Variants in BRIP1 observed in about 807,000 individuals in gnomAD.
The protein encoded by BRIP1 is Fanconi anemia group J protein.
A neutral mutation model predicts 119.7 loss-of-function variants in BRIP1; 88 were observed. That is an observed-to-expected ratio of 0.74 (90% confidence interval 0.62 to 0.88). The LOEUF is 0.88. Ranked by LOEUF, BRIP1 falls within the 40% of genes least tolerant of loss-of-function variation. BRIP1 has a pLI of 0.00. For synonymous variants in BRIP1, 443 were observed against 496.5 expected (o/e 0.89, Z 1.43); for missense variants, 1,259 against 1,455.4 (o/e 0.87, Z 2.20).
At position 61,729,671 on chromosome 17, in the gene BRIP1, T is replaced by C. The variant is rs1364381702; in HGVS notation, c.2379+13342A>G. ...TATTAGACTCTTGGTAAGTGCTTTA[T>C]TGGACGTTTTTCAACTTGATAAATC... is the stretch of plus-strand genomic sequence containing the variant. On this transcript the variant is annotated intron_variant, in intron 16 of 19. Transcript: ENST00000259008. The surrounding 1 kb of genome is among the most constrained non-coding windows in gnomAD (Gnocchi z 5.6). Among the ~76,000 whole-genome samples, 2 of 152,210 alleles carry C rather than the reference T, an allele frequency of 1.3e-5. No individual in the cohort carries two copies. Among genetic ancestry groups the C allele is most frequent in the Non-Finnish European group, 1.5e-5 (1 of 68,040 alleles).
At chr17:61,694,244 A>T (rs779146019) in intron 17 of BRIP1, among the ~76,000 whole-genome samples, 9 of 152,072 alleles carry the variant, frequency 5.9e-5, no homozygotes, top group Non-Finnish European at 1.3e-4. Flanking sequence ...GTTACTCCAA[A>T]TTATCCCAAT....
Position 61,857,355 on chromosome 17 carries a change from A to G in BRIP1, c.206-124T>C. 1.2e-6 allele frequency: 1 copy of G among 851,462 alleles called. No individual in the cohort carries two copies. Among genetic ancestry groups the G allele is most frequent in the Non-Finnish European group, 1.8e-6 (1 of 568,238 alleles). The allele number at this position is 851,462 out of a possible 1,614,324, so 52.7% of individuals were successfully genotyped here. A position where few individuals can be genotyped will look rare whatever the true frequency, so the allele number is the denominator to read the frequency against. On this transcript the variant is annotated intron_variant, in intron 3 of 19. Transcript: ENST00000259008. The surrounding 1 kb of genome is among the most constrained non-coding windows in gnomAD (Gnocchi z 5.1). ...ATAAAAGATTTTTAGGGCTAACACC[A>G]GGAAGGTACCTGGCAAACCTGGACA...
Position 61,828,415 on chromosome 17 carries a change from C to G in BRIP1, c.627+18686G>C, listed in dbSNP as rs1261167674. The stretch of plus-strand genomic sequence containing the variant: ...CCTGGGGCTGGACAATAGGGAAATA[C>G]AGAGATATTGTTTCATGGGTATGGT... On this transcript the variant is annotated intron_variant, in intron 6 of 19. Transcript: ENST00000259008. This position sits in a 1 kb window ranked among gnomAD's most constrained non-coding sequence, Gnocchi z 4.1. Among the ~76,000 whole-genome samples, 1 of 151,776 alleles carries G rather than the reference C, an allele frequency of 6.6e-6. No individual in the cohort carries two copies. The highest frequency in any genetic ancestry group is 2.4e-5 in the African/African-American group (1 of 41,292).
rs942258233 is a variant in BRIP1, at chr17:61,700,045, T to C, written c.2493-6533A>G. Among the ~76,000 whole-genome samples the C allele has an allele frequency of 6.6e-6, 1 of 152,286 alleles. No individual in the cohort carries two copies. The highest frequency in any genetic ancestry group is 1.9e-4 in the East Asian group (1 of 5,162). On this transcript the variant is annotated intron_variant, in intron 17 of 19. Coordinates refer to ENST00000259008, the MANE Select transcript of BRIP1 (RefSeq NM_032043.3). This position sits in a 1 kb window ranked among gnomAD's most constrained non-coding sequence, Gnocchi z 4.1. ...GTTTTGTTCTCTTTGCTGACTGTGC[T>C]TGGTGTCGTTTCACTGTAATAAATC... is the stretch of plus-strand genomic sequence containing the variant.
rs1267248506 is a variant in BRIP1, at chr17:61,736,412, T to C, written c.2379+6601A>G. Among the ~76,000 whole-genome samples the C allele has an allele frequency of 6.6e-6, 1 of 152,182 alleles. No individual in the cohort carries two copies. Among genetic ancestry groups the C allele is most frequent in the African/African-American group, 2.4e-5 (1 of 41,452 alleles). ...CAATATAAGATACTCCCTCCACTTA[T>C]TATGTTCTACTATGTATTAAATAAA... On this transcript the variant is annotated intron_variant, in intron 16 of 19. Coordinates refer to ENST00000259008, the MANE Select transcript of BRIP1 (RefSeq NM_032043.3). The surrounding 1 kb of genome is among the most constrained non-coding windows in gnomAD (Gnocchi z 4.4).
chr17:61,776,463 G>A lies in BRIP1; in HGVS notation c.2035C>T (p.Leu679Phe), dbSNP rs1555601056. Residue 679 changes from leucine (L) to phenylalanine (F), a missense_variant, in exon 14 of 20, where the codon CTT becomes TTT. Leu to Phe is a conservative substitution (Grantham distance 22). Around this residue, in one of 3 missense-constraint regions of BRIP1, gnomAD observed 753 missense variants for 891.8 expected, o/e 0.84. Transcript: ENST00000259008. The surrounding 1 kb of genome is among the most constrained non-coding windows in gnomAD (Gnocchi z 5.0). ...ACAGTCTGGCACACAGATAACAAAAGTGCTCCCACTTCATCTTGGAACTCA... is the reference window on the plus strand; with the variant it reads ...ACAGTCTGGCACACAGATAACAAAAATGCTCCCACTTCATCTTGGAACTCA... The part of the protein sequence containing the change: ...TFEFQDEVGA[L>F]LLSVCQTVSQ... The A allele has an allele frequency of 1.2e-6, 2 of 1,613,970 alleles. No homozygotes were observed. Among genetic ancestry groups the A allele is most frequent in the South Asian group, 1.1e-5 (1 of 91,090 alleles).
chr17:61,857,106 G>A lies in BRIP1; in HGVS notation c.331C>T (p.Pro111Ser), dbSNP rs1200837936. 1.2e-6 allele frequency: 2 copies of A among 1,614,126 alleles called. No individual in the cohort carries two copies. Among genetic ancestry groups the A allele is most frequent in the Admixed American group, 1.7e-5 (1 of 60,016 alleles). ...NQGTSRHFNY[P>S]STPPSERNGT... Reference sequence around the variant, plus strand: ...TTTCTTTCAGAAGGTGGTGTGCTTGGATAGTTGAAATGACGTGAAGTTCCT... The same window carrying A: ...TTTCTTTCAGAAGGTGGTGTGCTTGAATAGTTGAAATGACGTGAAGTTCCT... The change falls in exon 4 of 20, where the codon CCA becomes TCA. Residue 111 changes from proline (P) to serine (S), a missense_variant. Around this residue, in one of 3 missense-constraint regions of BRIP1, gnomAD observed 501 missense variants for 544.0 expected, o/e 0.92. Transcript: ENST00000259008. The surrounding 1 kb of genome is among the most constrained non-coding windows in gnomAD (Gnocchi z 5.1).
chr17:61,766,823 T>C (rs1241251399), intron 14 of BRIP1, among the ~76,000 whole-genome samples: 1 of 152,160 alleles, frequency 6.6e-6, no homozygotes, highest in African/African-American at 2.4e-5. Flanking sequence ...AACTTGTTAC[T>C]TTGGCACCAG....
Position 61,807,396 on chromosome 17 carries a change from G to A in BRIP1, c.918+1071C>T, listed in dbSNP as rs374574171. ...GTAATTCTGTATTCTCTCCTGGCTCGGAACAAGTCACTCAAGTTTTGCCAT... is the reference window on the plus strand; with the variant it reads ...GTAATTCTGTATTCTCTCCTGGCTCAGAACAAGTCACTCAAGTTTTGCCAT... On this transcript the variant is annotated intron_variant, in intron 7 of 19. Transcript: ENST00000259008. The surrounding 1 kb of genome is among the most constrained non-coding windows in gnomAD (Gnocchi z 4.5). Among the ~76,000 whole-genome samples, 3 of 151,988 alleles carry A rather than the reference G, an allele frequency of 2.0e-5. No individual in the cohort carries two copies. Among genetic ancestry groups the A allele is most frequent in the African/African-American group, 4.8e-5 (2 of 41,388 alleles).
chr17:61,791,506 A>AAAAAAAAAC (rs2077816973), intron 10 of BRIP1, among the ~76,000 whole-genome samples: 1 of 148,926 alleles, frequency 6.7e-6, no homozygotes, highest in Non-Finnish European at 1.5e-5. Flanking sequence ...AAAAAAAAAA[A>AAAAAAAAAC]AAAAGAATTT....
rs559628950 is a variant in BRIP1 at position 61,767,849 on chromosome 17, C to T, written c.2097+8552G>A. On this transcript the variant is annotated intron_variant, in intron 14 of 19. Coordinates refer to ENST00000259008, the MANE Select transcript of BRIP1 (RefSeq NM_032043.3). The surrounding 1 kb of genome is among the most constrained non-coding windows in gnomAD (Gnocchi z 5.7). ...TCTGTGCCTTTGCTAATACATGTCT[C>T]CTTGGTCCAGAATATTATATTCCTC... is the stretch of plus-strand genomic sequence containing the variant. 4.3e-4 allele frequency among the ~76,000 whole-genome samples: 65 copies of T among 152,258 alleles called. No individual in the cohort carries two copies. The highest frequency in any genetic ancestry group is 1.5e-3 in the African/African-American group (63 of 41,568).
rs1255772019 is a variant in BRIP1 at position 61,708,935 on chromosome 17, A to T, written c.2492+7016T>A. Among the ~76,000 whole-genome samples, 1 of 152,184 alleles carries T rather than the reference A, an allele frequency of 6.6e-6. No individual in the cohort carries two copies. The highest frequency in any genetic ancestry group is 1.5e-5 in the Non-Finnish European group (1 of 68,038). On this transcript the variant is annotated intron_variant, in intron 17 of 19. Transcript: ENST00000259008. The surrounding 1 kb of genome is among the most constrained non-coding windows in gnomAD (Gnocchi z 4.4). Reference sequence around the variant, plus strand: ...GGGGGGTGGAGTTCTCACATTCAGTATGTAAAATCCCCGTATATAATATTA... The same window carrying T: ...GGGGGGTGGAGTTCTCACATTCAGTTTGTAAAATCCCCGTATATAATATTA...
Position 61,851,244 on chromosome 17 carries a change from A to AG in BRIP1, c.380-1989dup, listed in dbSNP as rs1316930619. Reference sequence around the variant, plus strand: ...CTCCATCTCAAAAAAAGAAAAAAAAAGAAATGTTGCTTAAAATTTCCAAAA... The same window carrying AG: ...CTCCATCTCAAAAAAAGAAAAAAAAAGGAAATGTTGCTTAAAATTTCCAAAA... On this transcript the variant is annotated intron_variant, in intron 4 of 19. Transcript: ENST00000259008. This position sits in a 1 kb window ranked among gnomAD's most constrained non-coding sequence, Gnocchi z 4.6. 6.6e-6 allele frequency among the ~76,000 whole-genome samples: 1 copy of AG among 152,162 alleles called. No individual in the cohort carries two copies. The highest frequency in any genetic ancestry group is 1.9e-4 in the East Asian group (1 of 5,200).
chr17:61,828,057 T>C lies in BRIP1; in HGVS notation c.627+19044A>G, dbSNP rs2078435320. On this transcript the variant is annotated intron_variant, in intron 6 of 19. Transcript: ENST00000259008. The surrounding 1 kb of genome is among the most constrained non-coding windows in gnomAD (Gnocchi z 4.1). ...ATGGTCCAGAAATTCCACTCTTAGG[T>C]GTATACCCAAACGAATGAAAACAGA... 6.6e-6 allele frequency among the ~76,000 whole-genome samples: 1 copy of C among 152,134 alleles called. No individual in the cohort carries two copies. The highest frequency in any genetic ancestry group is 1.5e-5 in the Non-Finnish European group (1 of 68,012).
chr17:61,727,750 C>CTCTGTCTG (rs201461511), intron 16 of BRIP1, among the ~76,000 whole-genome samples: 4 of 144,782 alleles, frequency 2.8e-5, no homozygotes, highest in South Asian at 2.3e-4. Flanking sequence ...GCAACAGAGA[C>CTCTGTCTG]TCTGTCTGTC....
chr17:61,688,440 C>A (rs935598417), intron 18 of BRIP1, among the ~76,000 whole-genome samples: 14 of 152,022 alleles, frequency 9.2e-5, no homozygotes, highest in Non-Finnish European at 1.8e-4. Context: ...GAGATTGTAC[C>A]ACTGCACTCC....
At position 61,827,743 on chromosome 17, in the gene BRIP1, G is replaced by A. The variant is rs1401193347; in HGVS notation, c.628-18986C>T. Among the ~76,000 whole-genome samples the A allele has an allele frequency of 6.6e-6, 1 of 152,084 alleles. No individual in the cohort carries two copies. The highest frequency in any genetic ancestry group is 1.5e-5 in the Non-Finnish European group (1 of 68,008). ...AGCCCTGTCTCAAAAAAGGGCAAAGGACTTGAATAGACATTTCTCCAAAGA... is the reference window on the plus strand; with the variant it reads ...AGCCCTGTCTCAAAAAAGGGCAAAGAACTTGAATAGACATTTCTCCAAAGA... On this transcript the variant is annotated intron_variant, in intron 6 of 19. Transcript: ENST00000259008. This position sits in a 1 kb window ranked among gnomAD's most constrained non-coding sequence, Gnocchi z 5.8.
In BRIP1 at chr17:61,770,341, G is replaced by T. The variant is rs1047134137; in HGVS notation, c.2097+6060C>A. Among the ~76,000 whole-genome samples the T allele has an allele frequency of 6.6e-6, 1 of 152,178 alleles. No homozygotes were observed. Among genetic ancestry groups the T allele is most frequent in the Non-Finnish European group, 1.5e-5 (1 of 68,022 alleles). Reference sequence around the variant, plus strand: ...CAGAGAGAGACAGCTGCAAGGCTCAGATTCTATTTAAGAATAAGTTTTTAG... The same window carrying T: ...CAGAGAGAGACAGCTGCAAGGCTCATATTCTATTTAAGAATAAGTTTTTAG... On this transcript the variant is annotated intron_variant, in intron 14 of 19. Coordinates refer to ENST00000259008, the MANE Select transcript of BRIP1 (RefSeq NM_032043.3). The surrounding 1 kb of genome is among the most constrained non-coding windows in gnomAD (Gnocchi z 4.7).
At chr17:61,773,304 A>G (rs191093597) in intron 14 of BRIP1, among the ~76,000 whole-genome samples, 1 of 152,298 alleles carries the variant, frequency 6.6e-6, no homozygotes, top group East Asian at 1.9e-4. Flanking sequence ...AAAACAAGCA[A>G]TGGGGAAAGA....
Sources: gnomAD v4.1 joint callset for allele counts (sites outside exome capture counted in the v4.1 genomes callset) on GRCh38, gnomAD v4.1.1 for gene constraint, gnomAD v4.1.1 regional missense constraint, Gnocchi (gnomAD v3.1) non-coding constraint, MANE v1.5 for transcripts, NCBI Gene and HGNC (gene_info 2026-07-23, HGNC 2026-07-21) for gene names.